The following CACNA1D variants were observed in gnomAD, a reference collection of about 807,000 sequenced individuals.
CACNA1D encodes the protein voltage-dependent L-type calcium channel subunit alpha-1D.
A neutral mutation model predicts 257.1 loss-of-function variants in CACNA1D; 55 were observed. That is an observed-to-expected ratio of 0.21 (90% confidence interval 0.17 to 0.27). The LOEUF is 0.27. Ranked by LOEUF, CACNA1D falls within the 10% of genes least tolerant of loss-of-function variation. The pLI is 1.00. For synonymous variants in CACNA1D, 980 were observed against 1,014.9 expected (o/e 0.97, Z 0.65); for missense variants, 1,876 against 2,784.0 (o/e 0.67, Z 7.34).
At chr3:53,809,879 C>T in intron 46 of CACNA1D, 99 bp from the exon 47 acceptor site, 1 of 1,099,890 alleles carries the variant, frequency 9.1e-7, no homozygotes, top group Non-Finnish European at 1.4e-6. Flanking sequence ...CTGGACTGCC[C>T]CTGGCGAGCG....
At chr3:53,554,189 C>CGA (rs1474382287) in intron 3 of CACNA1D, among the ~76,000 whole-genome samples, 1 of 145,118 alleles carries the variant, frequency 6.9e-6, no homozygotes, top group Non-Finnish European at 1.5e-5. Flanking sequence ...GAGTGAGACT[C>CGA]TGTCTCAAAA....
At chr3:53,702,610 G>A (rs368732166) in intron 8 of CACNA1D, 31 bp from the exon 9 acceptor site, 3 of 1,611,752 alleles carry the variant, frequency 1.9e-6, no homozygotes, top group Non-Finnish European at 2.5e-6. Flanking sequence ...AGGATGTCCT[G>A]ATATGTGCTT....
At chr3:53,722,093 T>C (rs1204104779) in intron 11 of CACNA1D, among the ~76,000 whole-genome samples, 1 of 152,236 alleles carries the variant, frequency 6.6e-6, no homozygotes, top group Non-Finnish European at 1.5e-5. Context: ...GATAGCATGA[T>C]CAAGTCAAGA....
intron 3 of CACNA1D, among the ~76,000 whole-genome samples, chr3:53,523,462 T>A (rs2091652821): frequency 6.6e-6 from 1 of 152,218 alleles, no homozygotes; most frequent in Admixed American, 6.5e-5. Context: ...ATCTCAGACA[T>A]GAGAAAGGAT....
chr3:53,620,891 C>T (rs185860629), intron 3 of CACNA1D, among the ~76,000 whole-genome samples: 29 of 152,290 alleles, frequency 1.9e-4, no homozygotes, highest in African/African-American at 6.5e-4. Flanking sequence ...GAGGAAGGAG[C>T]GTGCAGGCAC....
At chr3:53,672,756 CTCTGTGTG>C (rs2094335232) in intron 7 of CACNA1D, among the ~76,000 whole-genome samples, 1 of 105,468 alleles carries the variant, frequency 9.5e-6, no homozygotes. Flanking sequence ...GCCTTGATGA[CTCTGTGTG>C]TGTGTGTGTG....
chr3:53,635,202 AC>A (rs1485801206), intron 3 of CACNA1D, among the ~76,000 whole-genome samples: 1 of 152,064 alleles, frequency 6.6e-6, no homozygotes, highest in Non-Finnish European at 1.5e-5. Flanking sequence ...CTGACTGCAA[AC>A]AGCCGCCATG....
intron 7 of CACNA1D, among the ~76,000 whole-genome samples, chr3:53,672,771 TG>T (rs2094336301): frequency 2.8e-5 from 2 of 72,434 alleles, no homozygotes; most frequent in Non-Finnish European, 5.3e-5. Flanking sequence ...TGTGTGTGTG[TG>T]TGTGTGTGTG....
intron 3 of CACNA1D, among the ~76,000 whole-genome samples, chr3:53,578,129 G>A (rs2093069400): frequency 6.6e-6 from 1 of 152,160 alleles, no homozygotes; most frequent in Non-Finnish European, 1.5e-5. Context: ...CCGTTGGAAT[G>A]TGTGGTGGGT....
intron 10 of CACNA1D, 166 bp downstream of exon 10, chr3:53,718,554 A>G: frequency 9.6e-7 from 1 of 1,038,174 alleles, no homozygotes; most frequent in Non-Finnish European, 1.4e-6. Flanking sequence ...TGCCAGGGCT[A>G]TCCCTCCTGC....
At chr3:53,571,623 G>T (rs545663092) in intron 3 of CACNA1D, among the ~76,000 whole-genome samples, 18 of 152,162 alleles carry the variant, frequency 1.2e-4, no homozygotes, top group African/African-American at 3.9e-4. Context: ...GAAAAGGATG[G>T]GCCACCTCTG....
intron 7 of CACNA1D, among the ~76,000 whole-genome samples, chr3:53,672,129 C>T (rs1296296717): frequency 1.3e-5 from 2 of 152,228 alleles, no homozygotes; most frequent in Admixed American, 6.5e-5. Flanking sequence ...GAGACTGTGT[C>T]TGAATGTGCA....
intron 3 of CACNA1D, among the ~76,000 whole-genome samples, chr3:53,622,133 C>A (rs1194809268): frequency 1.3e-5 from 2 of 152,076 alleles, no homozygotes; most frequent in Non-Finnish European, 2.9e-5. Context: ...TCACGGCAAC[C>A]TCTATCTCCT....
At chr3:53,778,384 A>G (rs1190707670) in intron 37 of CACNA1D, among the ~76,000 whole-genome samples, 1 of 152,166 alleles carries the variant, frequency 6.6e-6, no homozygotes, top group African/African-American at 2.4e-5. Context: ...AAAGTGAACA[A>G]ATGTCCAGGG....
chr3:53,770,147 A>C (rs1435752100), intron 31 of CACNA1D, 130 bp downstream of exon 31: 1 of 847,454 alleles, frequency 1.2e-6, no homozygotes, highest in Non-Finnish European at 2.0e-6. Context: ...AGTGGTTTGC[A>C]TTCATCATCA....
chr3:53,677,282 A>AG (rs2094385776), intron 8 of CACNA1D, among the ~76,000 whole-genome samples: 1 of 152,076 alleles, frequency 6.6e-6, no homozygotes, highest in Admixed American at 6.5e-5. Context: ...ACCCCCAGGA[A>AG]GGGGGCTGGA....
intron 45 of CACNA1D, among the ~76,000 whole-genome samples, chr3:53,806,160 T>C: frequency 3.1e-5 from 3 of 96,302 alleles, no homozygotes; most frequent in Non-Finnish European, 4.3e-5. Flanking sequence ...CCTCCTTCTT[T>C]TCCCTCCCCC....
In CACNA1D at chr3:53,698,326, T is replaced by G. The variant is rs182440026; in HGVS notation, c.1221-4315T>G. Among the ~76,000 whole-genome samples the G allele has an allele frequency of 1.3e-3, 198 of 152,280 alleles. 2 individuals are homozygous for G. Among genetic ancestry groups the G allele is most frequent in the Non-Finnish European group, 1.8e-4 (12 of 68,026 alleles). On this transcript the variant is annotated intron_variant, in intron 8 of 47. Transcript: ENST00000350061. ...CTCACTGGCTAAATCCTGTAATATG[T>G]CTAAGATAGTTTCAGAATGGTCTCA... is the stretch of plus-strand genomic sequence containing the variant.
intron 22 of CACNA1D, 134 bp from the exon 23 acceptor site, chr3:53,744,606 C>T: frequency 1.3e-6 from 1 of 743,082 alleles, no homozygotes; most frequent in Admixed American, 1.8e-5. Flanking sequence ...GAAGAGAGAT[C>T]AGCTCAGCAC....
Sources: gnomAD v4.1 joint callset for allele counts (sites outside exome capture counted in the v4.1 genomes callset) on GRCh38, gnomAD v4.1.1 for gene constraint, MANE v1.5 for transcripts, NCBI Gene and HGNC (gene_info 2026-07-23, HGNC 2026-07-21) for gene names.